Variants in SDR42E1 observed in about 807,000 individuals in gnomAD.
The protein encoded by SDR42E1 is short-chain dehydrogenase/reductase family 42E member 1.
In SDR42E1, 5 loss-of-function variants were observed where a neutral mutation model predicts 2.6. The ratio of observed to expected loss-of-function variants is 1.94; its 90% CI spans 1.01 to 4.08. The LOEUF is 4.08. Ranked by LOEUF, SDR42E1 falls within the 30% of genes most tolerant of loss-of-function variation. The probability of loss-of-function intolerance (pLI) is 0.00; values close to 1 mark genes in which losing one functional copy is unlikely to be tolerated. For synonymous variants in SDR42E1, 231 were observed against 188.3 expected (o/e 1.23, Z -1.86); for missense variants, 596 against 478.6 (o/e 1.25, Z -2.29).
chr16:81,999,337 G>A lies in SDR42E1; in HGVS notation c.956C>T (p.Thr319Ile). 1 of 1,614,234 alleles carries A rather than the reference G, an allele frequency of 6.2e-7. No homozygotes were observed. The highest frequency in any genetic ancestry group is 8.5e-7 in the Non-Finnish European group (1 of 1,180,034). ...PFLTRTEVYK[T>I]GVTHYFSLEK... ...TAAGCTAAAATAATGTGTGACACCA[G>A]TTTTGTAAACTTCAGTGCGAGTGAG... The change falls in exon 3 of 3, where the codon ACT becomes ATT. Residue 319 changes from threonine (T) to isoleucine (I), a missense_variant. By Grantham distance (89) the Thr-to-Ile change is moderately conservative. Transcript: ENST00000328945.
chr16:81,999,929 T>C lies in SDR42E1; in HGVS notation c.364A>G (p.Ser122Gly), dbSNP rs1912690569. 6.2e-7 allele frequency: 1 copy of C among 1,614,120 alleles called. No homozygotes were observed. The change falls in exon 3 of 3, where the codon AGC (serine) becomes GGC (glycine). Residue 122 changes from serine to glycine, a missense_variant. Coordinates refer to ENST00000328945, the MANE Select transcript of SDR42E1 (RefSeq NM_145168.3). Reference protein sequence around the residue: ...RRRVPRLVYTSTFNVIFGGQV... With the variant: ...RRRVPRLVYTGTFNVIFGGQV... ...CCTCCAAAGATGACATTGAAAGTGC[T>C]GGTGTAAACTAACCTGGGCACCCTT...
In SDR42E1 at chr16:81,999,571, G is replaced by A. The variant is rs374759017; in HGVS notation, c.722C>T (p.Ala241Val). The stretch of plus-strand genomic sequence containing the variant: ...CCCAGAGGCAATATGGCCCTTGTCA[G>A]CTCTCAGGGCTTCTGAGGCCAGAAT... ...AHILASEALRADKGHIASGQP... is the reference protein window; with the variant it reads ...AHILASEALRVDKGHIASGQP... Residue 241 changes from alanine (A) to valine (V), a missense_variant, in exon 3 of 3, where the codon GCT becomes GTT. Transcript: ENST00000328945. 12 of 1,614,028 alleles carry A rather than the reference G, an allele frequency of 7.4e-6. No homozygotes were observed. The highest frequency in any genetic ancestry group is 7.6e-6 in the Non-Finnish European group (9 of 1,180,048).
Position 81,999,108 on chromosome 16 carries a change from C to G in SDR42E1, c.*3G>C. The G allele has an allele frequency of 6.2e-7, 1 of 1,612,282 alleles. No homozygotes were observed. Among genetic ancestry groups the G allele is most frequent in the Non-Finnish European group, 8.5e-7 (1 of 1,179,218 alleles). On this transcript the variant is annotated 3_prime_UTR_variant, in exon 3 of 3. Transcript: ENST00000328945. ...TGTGATCACCTTATTTCTGGCCCCT[C>G]CTTCACAGTGACAGAATCACAGAAG...
chr16:81,997,908 T>G lies in SDR42E1; in HGVS notation c.*1203A>C, dbSNP rs965343329. 6.6e-6 allele frequency: 1 copy of G among 152,228 alleles called. No individual in the cohort carries two copies. The highest frequency in any genetic ancestry group is 2.4e-5 in the African/African-American group (1 of 41,450). The allele number at this position is 152,228 out of a possible 1,614,324, so 9.4% of individuals were successfully genotyped here. On this transcript the variant is annotated 3_prime_UTR_variant, in exon 3 of 3. Transcript: ENST00000328945. ...CATTCCACAGGGATTGCTCATCTAT[T>G]TGTATTTTACAGATACTCTCAAGAC...
In SDR42E1 at chr16:81,998,582, G is replaced by C. The variant is rs1431401917; in HGVS notation, c.*529C>G. On this transcript the variant is annotated 3_prime_UTR_variant, in exon 3 of 3. Coordinates refer to ENST00000328945, the MANE Select transcript of SDR42E1 (RefSeq NM_145168.3). Reference sequence around the variant, plus strand: ...GGCATAATGCCCTGATATCATAAAGGGCAAAAGTTAACACCTAAAACGTAC... The same window carrying C: ...GGCATAATGCCCTGATATCATAAAGCGCAAAAGTTAACACCTAAAACGTAC... The C allele has an allele frequency of 6.4e-6, 1 of 156,232 alleles. No homozygotes were observed. The highest frequency in any genetic ancestry group is 1.4e-5 in the Non-Finnish European group (1 of 70,656). 9.7% of individuals were successfully genotyped at this position (156,232 alleles called of 1,614,324 possible).
intron 1 of SDR42E1, among the ~76,000 whole-genome samples, chr16:82,001,844 A>G (rs557551211): frequency 6.7e-6 from 1 of 148,866 alleles, no homozygotes; most frequent in Admixed American, 6.7e-5. Flanking sequence ...GTAGCTGGCA[A>G]TGAGCGAAGA....
rs1912449037 is a variant in SDR42E1 at position 81,992,450 on chromosome 16, C to A, written c.*6661G>T. ...TTATTATCTATTCAGGACACTAACT[C>A]CTAGTGACTGTTAAGAGCAAAAGAC... On this transcript the variant is annotated 3_prime_UTR_variant, in exon 3 of 3. Transcript: ENST00000328945. The A allele has an allele frequency of 6.6e-6, 1 of 152,066 alleles. No homozygotes were observed. The highest frequency in any genetic ancestry group is 2.4e-5 in the African/African-American group (1 of 41,406). The allele number at this position is 152,066 out of a possible 1,614,324, so 9.4% of individuals were successfully genotyped here.
Position 82,009,520 on chromosome 16 carries a change from C to G in SDR42E1, c.-27+1867G>C, listed in dbSNP as rs11862886. Among the ~76,000 whole-genome samples, 585 of 152,296 alleles carry G rather than the reference C, an allele frequency of 3.8e-3. 6 individuals carry two copies. The highest frequency in any genetic ancestry group is 0.013 in the African/African-American group (554 of 41,544). On this transcript the variant is annotated intron_variant, in intron 1 of 2. Transcript: ENST00000328945. ...TTGGAGTTTCAAGATGTGACTGCCC[C>G]GCTGGATTTTAGACTTGCATGGGGC...
chr16:81,990,138 CCT>C lies in SDR42E1; in HGVS notation c.*8971_*8972del, dbSNP rs1455435970. ...ACCAGCCTGGGCAAAACGGTGAGAC[CCT>C]GTCTCTACAAAAGACGACAGAAAAA... On this transcript the variant is annotated 3_prime_UTR_variant, in exon 3 of 3. Transcript: ENST00000328945. 6.6e-6 allele frequency: 1 copy of C among 152,288 alleles called. No homozygotes were observed. Among genetic ancestry groups the C allele is most frequent in the Admixed American group, 6.5e-5 (1 of 15,284 alleles). The allele number at this position is 152,288 out of a possible 1,614,324, so 9.4% of individuals were successfully genotyped here. A position where few individuals can be genotyped will look rare whatever the true frequency, so the allele number is the denominator to read the frequency against.
At chr16:82,003,787 T>C (rs1284006592) in intron 1 of SDR42E1, among the ~76,000 whole-genome samples, 2 of 152,224 alleles carry the variant, frequency 1.3e-5, no homozygotes, top group Non-Finnish European at 2.9e-5. Flanking sequence ...TCCCACAGAA[T>C]GTTAAGTTCT....
At chr16:82,004,828 G>A (rs1912883767) in intron 1 of SDR42E1, among the ~76,000 whole-genome samples, 1 of 152,246 alleles carries the variant, frequency 6.6e-6, no homozygotes, top group Non-Finnish European at 1.5e-5. Context: ...GGTTACCAGT[G>A]AGGACAAAAG....
chr16:82,007,525 A>C (rs1912980011), intron 1 of SDR42E1: 1 of 152,180 alleles, frequency 6.6e-6, no homozygotes, highest in South Asian at 2.1e-4. Flanking sequence ...ACAGCTAGCA[A>C]ATGGTAGAGC....
chr16:82,011,060 A>G (rs929226084), intron 1 of SDR42E1, among the ~76,000 whole-genome samples: 2 of 152,212 alleles, frequency 1.3e-5, no homozygotes, highest in African/African-American at 4.8e-5. Flanking sequence ...TCGTTCTCCC[A>G]AAGTGTGCAG....
rs1421539340 is a variant in SDR42E1 at position 81,992,331 on chromosome 16, G to C, written c.*6780C>G. 6.6e-6 allele frequency: 1 copy of C among 152,090 alleles called. No homozygotes were observed. The highest frequency in any genetic ancestry group is 1.5e-5 in the Non-Finnish European group (1 of 68,030). The allele number at this position is 152,090 out of a possible 1,614,324, so 9.4% of individuals were successfully genotyped here. A position where few individuals can be genotyped will look rare whatever the true frequency, so the allele number is the denominator to read the frequency against. ...CCAGAAGCTAAATCCCCTATGAAAG[G>C]CACAGGACTATAAATCAGTGGAGTG... On this transcript the variant is annotated 3_prime_UTR_variant, in exon 3 of 3. Transcript: ENST00000328945.
rs1912438033 is a variant in SDR42E1, at chr16:81,991,989, C to G, written c.*7122G>C. On this transcript the variant is annotated 3_prime_UTR_variant, in exon 3 of 3. Transcript: ENST00000328945. Reference sequence around the variant, plus strand: ...GCCAACATGGCGAAACCCCAAATCACCGCTAATTAAACAAAAATTAGCCGG... The same window carrying G: ...GCCAACATGGCGAAACCCCAAATCAGCGCTAATTAAACAAAAATTAGCCGG... 6.6e-6 allele frequency: 1 copy of G among 152,008 alleles called. No individual in the cohort carries two copies. Among genetic ancestry groups the G allele is most frequent in the Admixed American group, 6.6e-5 (1 of 15,262 alleles). The allele number at this position is 152,008 out of a possible 1,614,324, so 9.4% of individuals were successfully genotyped here.
rs1479237295 is a variant in SDR42E1, at chr16:81,993,689, A to G, written c.*5422T>C. On this transcript the variant is annotated 3_prime_UTR_variant, in exon 3 of 3. Transcript: ENST00000328945. ...TGATAAGTGCATTCACCCCGTCAAC[A>G]AGCATTTATTGGGCATATGAAGGGT... 6.6e-6 allele frequency: 1 copy of G among 152,164 alleles called. No individual in the cohort carries two copies. The highest frequency in any genetic ancestry group is 1.5e-5 in the Non-Finnish European group (1 of 68,022). The allele number at this position is 152,164 out of a possible 1,614,324, so 9.4% of individuals were successfully genotyped here.
At chr16:82,000,284 T>C (rs1912713019) in intron 2 of SDR42E1, 60 bp from the exon 3 acceptor site, 2 of 1,590,820 alleles carry the variant, frequency 1.3e-6, no homozygotes, top group African/African-American at 1.3e-5. Context: ...CTAGGGGAAG[T>C]GTATAAAGTA....
At chr16:82,010,618 A>G (rs1913095113) in intron 1 of SDR42E1, among the ~76,000 whole-genome samples, 1 of 152,070 alleles carries the variant, frequency 6.6e-6, no homozygotes, top group African/African-American at 2.4e-5. Context: ...TAATGCAACC[A>G]TTTGTCTCTT....
chr16:82,000,253 C>A (rs770280943), intron 2 of SDR42E1, 29 bp from the exon 3 acceptor site: 2 of 1,600,028 alleles, frequency 1.2e-6, no homozygotes, highest in South Asian at 1.1e-5. Context: ...AACGTTGAAT[C>A]AAGTCACTCT....
Sources: allele counts gnomAD v4.1 joint callset (sites outside exome capture counted in the v4.1 genomes callset), GRCh38; gene constraint gnomAD v4.1.1; transcripts MANE v1.5; gene names NCBI Gene and HGNC (gene_info 2026-07-23, HGNC 2026-07-21).